ZSCAN5C: variants seen among roughly 807,000 people sequenced by gnomAD.
ZSCAN5C encodes zinc finger and SCAN domain-containing protein 5C.
A neutral mutation model predicts 17.3 loss-of-function variants in ZSCAN5C; 11 were observed. The observed-to-expected ratio is 0.64, with a 90% CI of 0.40 to 1.06. ZSCAN5C has a LOEUF of 1.06. Ranked by LOEUF, ZSCAN5C falls within the 50% of genes least tolerant of loss-of-function variation. ZSCAN5C has a pLI of 0.00. For synonymous variants in ZSCAN5C, 229 were observed against 208.4 expected (o/e 1.10, Z -0.85); for missense variants, 698 against 538.9 (o/e 1.30, Z -2.92).
intron 1 of ZSCAN5C, 23 bp from the exon 2 acceptor site, chr19:56,205,764 G>T: frequency 1.7e-6 from 1 of 587,368 alleles, no homozygotes; most frequent in Non-Finnish European, 3.0e-6. Context: ...CTTTAACAGA[G>T]CTCATGCTTT....
chr19:56,208,784 G>C (rs1408522901), exon 5 of ZSCAN5C: 2 of 1,588,294 alleles, frequency 1.3e-6, no homozygotes, highest in Admixed American at 1.7e-5. Flanking sequence ...CTTTGCATGT[G>C]AGGTGTGCGG....
chr19:56,207,250 G>C (rs764823099), exon 3 of ZSCAN5C: 21 of 776,930 alleles, frequency 2.7e-5, no homozygotes, highest in Non-Finnish European at 4.8e-5. Flanking sequence ...TCCCTGCACT[G>C]TTCAGGAGGC....
intron 1 of ZSCAN5C, among the ~76,000 whole-genome samples, chr19:56,205,118 T>C (rs1277313768): frequency 6.6e-6 from 1 of 151,732 alleles, no homozygotes; most frequent in Non-Finnish European, 1.5e-5. Flanking sequence ...GGGGTTCCTT[T>C]TAGGGTGATG....
chr19:56,207,429 GA>G (rs981562463), intron 3 of ZSCAN5C, among the ~76,000 whole-genome samples, 167 bp downstream of exon 3: 1 of 151,646 alleles, frequency 6.6e-6, no homozygotes, highest in Non-Finnish European at 1.5e-5. Context: ...CACAGAGAGG[GA>G]AGCTTCATCT....
intron 1 of ZSCAN5C, among the ~76,000 whole-genome samples, chr19:56,203,425 T>C: frequency 6.6e-6 from 1 of 151,894 alleles, no homozygotes. Context: ...TATGGACTAA[T>C]CATTTTTGGT....
At chr19:56,207,699 G>T (rs1292784434) in intron 3 of ZSCAN5C, among the ~76,000 whole-genome samples, 1 of 151,766 alleles carries the variant, frequency 6.6e-6, no homozygotes, top group Non-Finnish European at 1.5e-5. Flanking sequence ...AGACATTTTT[G>T]TTGTCATTGT....
chr19:56,206,755 A>T (rs1452274822), intron 2 of ZSCAN5C, among the ~76,000 whole-genome samples: 1 of 149,244 alleles, frequency 6.7e-6, no homozygotes, highest in African/African-American at 2.5e-5. Flanking sequence ...AGTGGCTGGT[A>T]TCAGAGATTC....
In ZSCAN5C at chr19:56,207,839, A is replaced by T. The variant is rs188527487; in HGVS notation, c.589-195A>T. 1.4e-3 allele frequency among the ~76,000 whole-genome samples: 209 copies of T among 152,012 alleles called. 3 individuals carry two copies. The highest frequency in any genetic ancestry group is 4.8e-3 in the African/African-American group (200 of 41,290). The stretch of plus-strand genomic sequence containing the variant: ...TGCCAGGGGTTAGGGGCCTCCACCT[A>T]GAGTCATGCTCCTTCCAGCGTCAGG... On this transcript the variant is annotated intron_variant, in intron 3 of 4. Transcript: ENST00000534327.
intron 1 of ZSCAN5C, among the ~76,000 whole-genome samples, chr19:56,205,089 G>C (rs117424106): frequency 0.045 from 6,796 of 151,384 alleles, 453 homozygotes; most frequent in East Asian, 0.25. Flanking sequence ...GTGGGCAGGC[G>C]GTGATCACTG....
chr19:56,209,316 G>C, downstream of ZSCAN5C: 6 of 550,708 alleles, frequency 1.1e-5, no homozygotes, highest in South Asian at 1.7e-4. Flanking sequence ...GAGTGCCCTA[G>C]ATAGGAATTC....
chr19:56,207,162 GC>G lies in ZSCAN5C; in HGVS notation c.490del (p.Gln164SerfsTer6). On this transcript the variant is annotated frameshift_variant, in exon 3 of 5. Transcript: ENST00000534327. LOFTEE classifies it high-confidence loss of function. ...AGAGATGATCCGAGACACGTGTCCAGCCAGCGGACCTCCTCTGTGAACCAGA... is the reference window on the plus strand; with the variant it reads ...AGAGATGATCCGAGACACGTGTCCAGCAGCGGACCTCCTCTGTGAACCAGA... 1 of 778,640 alleles carries G rather than the reference GC, an allele frequency of 1.3e-6. No homozygotes were observed. The allele number at this position is 778,640 out of a possible 1,614,324, so 48.2% of individuals were successfully genotyped here. A position where few individuals can be genotyped will look rare whatever the true frequency, so the allele number is the denominator to read the frequency against.
At position 56,208,156 on chromosome 19, in the gene ZSCAN5C, C is replaced by A. The variant is rs113287528; in HGVS notation, c.711C>A (p.Ser237=). 3.1e-3 allele frequency: 2,444 copies of A among 779,806 alleles called. 102 individuals carry two copies. In the African/African-American group the frequency reaches 0.038, roughly 12 times the overall value. The allele number at this position is 779,806 out of a possible 1,614,324, so 48.3% of individuals were successfully genotyped here. Reference sequence around the variant, plus strand: ...GGGAGGAGAACCCAGGACTTACATCCCCAGAGCCTCAGCTTCCAAACAGTC... The same window carrying A: ...GGGAGGAGAACCCAGGACTTACATCACCAGAGCCTCAGCTTCCAAACAGTC... Residue 237 remains serine (S), a synonymous_variant, in exon 4 of 5, where the codon TCC becomes TCA. Coordinates refer to ENST00000534327, the Ensembl canonical transcript of ZSCAN5C.
chr19:56,204,130 A>G (rs1461487233), intron 1 of ZSCAN5C, among the ~76,000 whole-genome samples: 2 of 151,862 alleles, frequency 1.3e-5, no homozygotes, highest in African/African-American at 4.9e-5. Flanking sequence ...ATGTGAGGAT[A>G]GCAACCAATA....
intron 1 of ZSCAN5C, among the ~76,000 whole-genome samples, chr19:56,204,605 C>T (rs190847411): frequency 0.06 from 9,085 of 150,702 alleles, 343 homozygotes; most frequent in South Asian, 0.16. Context: ...ACAGGAGCCC[C>T]GTGAGATGTG....
exon 5 of ZSCAN5C, chr19:56,208,790 T>A (rs201605886): frequency 3.8e-6 from 6 of 1,584,798 alleles, no homozygotes; most frequent in Non-Finnish European, 5.2e-6. Context: ...ATGTGAGGTG[T>A]GCGGCAAGAG....
chr19:56,209,004 G>A, exon 5 of ZSCAN5C: 1 of 1,613,300 alleles, frequency 6.2e-7, no homozygotes, highest in Non-Finnish European at 8.5e-7. Flanking sequence ...TGTCACAAGA[G>A]AAGCCACACA....
chr19:56,206,780 A>G lies in ZSCAN5C; in HGVS notation c.385-279A>G, dbSNP rs570638504. On this transcript the variant is annotated intron_variant, in intron 2 of 4. Coordinates refer to ENST00000534327, the Ensembl canonical transcript of ZSCAN5C. ...ATCAGAGATTCAGGGATCTGCCTCC[A>G]GGTCCGCACATGAGCCCGCCATCAG... is the stretch of plus-strand genomic sequence containing the variant. Among the ~76,000 whole-genome samples the G allele has an allele frequency of 5.5e-3, 662 of 119,894 alleles. 13 individuals are homozygous for G. Among genetic ancestry groups the G allele is most frequent in the African/African-American group, 0.018 (632 of 35,334 alleles). The allele number at this position is 119,894 out of a possible 152,430, so 78.7% of individuals were successfully genotyped here.
chr19:56,204,412 AG>A (rs2032900285), intron 1 of ZSCAN5C, among the ~76,000 whole-genome samples: 3 of 151,650 alleles, frequency 2.0e-5, no homozygotes, highest in Admixed American at 2.0e-4. Flanking sequence ...CCACTCTAGC[AG>A]GCGTGAGGGG....
exon 5 of ZSCAN5C, chr19:56,208,606 A>G: frequency 6.2e-7 from 1 of 1,603,832 alleles, no homozygotes; most frequent in Non-Finnish European, 8.5e-7. Context: ...GTCTCAAAAG[A>G]AGCAAACCAG....
Sources: allele counts gnomAD v4.1 joint callset (sites outside exome capture counted in the v4.1 genomes callset), GRCh38; gene constraint gnomAD v4.1.1; transcripts MANE v1.5; gene names NCBI Gene and HGNC (gene_info 2026-07-23, HGNC 2026-07-21).